Variants in CFAP221 observed in about 807,000 individuals in gnomAD.
CFAP221 encodes the protein cilia- and flagella-associated protein 221.
Under a neutral mutation model 113.1 loss-of-function variants are expected in CFAP221, and 97 were observed. The observed-to-expected ratio is 0.86, with a 90% CI of 0.73 to 1.02. The LOEUF (loss-of-function observed/expected upper bound fraction) is 1.02, where lower values mean the gene tolerates loss of function less well. CFAP221 is among the 50% of genes least tolerant of loss of function. The pLI is 0.00. For missense variants in CFAP221, 1,025 were observed against 1,013.4 expected (o/e 1.01, Z -0.16); for synonymous variants, 331 against 354.4 (o/e 0.93, Z 0.74).
At chr2:119,561,356 CAGA>C (rs911503719) in intron 5 of CFAP221, among the ~76,000 whole-genome samples, 12 of 152,200 alleles carry the variant, frequency 7.9e-5, no homozygotes, top group Middle Eastern at 3.4e-3. Context: ...CTGTGCTGAA[CAGA>C]AGAAGAATGC....
intron 11 of CFAP221, among the ~76,000 whole-genome samples, chr2:119,606,401 C>T (rs1013796498): frequency 3.3e-5 from 5 of 152,092 alleles, no homozygotes; most frequent in African/African-American, 9.7e-5. Flanking sequence ...GAGAACACGC[C>T]CTCACCTGAA....
rs539548804 is a variant in CFAP221, at chr2:119,583,946, A to G, written c.528-3173A>G. The stretch of plus-strand genomic sequence containing the variant: ...TTCCCAGCCTCCAGAACTGTGAGGA[A>G]TAAATTTCTGTTGTTCATAAGCCAC... On this transcript the variant is annotated intron_variant, in intron 6 of 23. Transcript: ENST00000413369. Among the ~76,000 whole-genome samples, 6 of 152,334 alleles carry G rather than the reference A, an allele frequency of 3.9e-5. No homozygotes were observed. In the South Asian group the frequency reaches 1.2e-3, roughly 32 times the overall value.
At chr2:119,593,194 A>G (rs1393194361) in intron 7 of CFAP221, among the ~76,000 whole-genome samples, 1 of 151,846 alleles carries the variant, frequency 6.6e-6, no homozygotes, top group Non-Finnish European at 1.5e-5. Context: ...CCACATCCTT[A>G]CCTGTGTTTT....
chr2:119,611,788 T>A, intron 13 of CFAP221, 46 bp downstream of exon 13: 1 of 1,392,924 alleles, frequency 7.2e-7, no homozygotes, highest in Non-Finnish European at 1.0e-6. Context: ...GGCAGCTCTT[T>A]AAATGCTTAT....
chr2:119,572,552 G>A (rs867101287), intron 6 of CFAP221: 21 of 700,826 alleles, frequency 3.0e-5, no homozygotes, highest in African/African-American at 1.2e-4. Flanking sequence ...ACCCAACAGC[G>A]TCTTCCTGGT....
At chr2:119,620,736 A>G (rs1685850592) in intron 14 of CFAP221, among the ~76,000 whole-genome samples, 1 of 152,202 alleles carries the variant, frequency 6.6e-6, no homozygotes, top group Non-Finnish European at 1.5e-5. Context: ...CAATTCACAC[A>G]TAACAATATT....
chr2:119,583,622 A>C (rs1003657183), intron 6 of CFAP221, among the ~76,000 whole-genome samples: 1 of 152,160 alleles, frequency 6.6e-6, no homozygotes, highest in Non-Finnish European at 1.5e-5. Context: ...CATTCCATTC[A>C]CTATGATACA....
chr2:119,553,541 A>G (rs764494265), intron 3 of CFAP221, among the ~76,000 whole-genome samples: 3 of 152,218 alleles, frequency 2.0e-5, no homozygotes, highest in African/African-American at 4.8e-5. Context: ...TTTCATTAGC[A>G]TCCCTTAGGG....
chr2:119,622,565 A>T (rs1686006615), intron 14 of CFAP221, among the ~76,000 whole-genome samples: 1 of 152,208 alleles, frequency 6.6e-6, no homozygotes, highest in Non-Finnish European at 1.5e-5. Context: ...GACACAACAA[A>T]AAAAGAAAAT....
At chr2:119,615,543 T>G in intron 13 of CFAP221, 68 bp from the exon 14 acceptor site, 1 of 1,137,784 alleles carries the variant, frequency 8.8e-7, no homozygotes, top group Non-Finnish European at 1.3e-6. Flanking sequence ...TCTAAAATGT[T>G]TTTATTAGAT....
Position 119,639,885 on chromosome 2 carries a change from C to A in CFAP221, c.2225+13C>A, listed in dbSNP as rs576801848. The A allele has an allele frequency of 1.9e-5, 30 of 1,607,018 alleles. No homozygotes were observed. The South Asian group carries it at 2.9e-4, about 15-fold the overall frequency. ...AGACCACAAAGAGGTAAGCACAGCT[C>A]ATCTGTTTGCTCACGAGTATGTGTG... On this transcript the variant is annotated intron_variant, in intron 21 of 23. Transcript: ENST00000413369.
chr2:119,604,080 A>C lies in CFAP221; in HGVS notation c.792-592A>C, dbSNP rs138172645. Among the ~76,000 whole-genome samples, 390 of 152,342 alleles carry C rather than the reference A, an allele frequency of 2.6e-3. 2 individuals are homozygous for C. Among genetic ancestry groups the C allele is most frequent in the African/African-American group, 9.0e-3 (374 of 41,566 alleles). ...TTAAATGTAATAAATCTAGCTATTG[A>C]AAACCAACAGGCTAGAAATTGATTA... On this transcript the variant is annotated intron_variant, in intron 8 of 23. Coordinates refer to ENST00000413369, the MANE Select transcript of CFAP221 (RefSeq NM_001271049.2).
chr2:119,550,279 T>A (rs1680328445), intron 3 of CFAP221, among the ~76,000 whole-genome samples: 1 of 152,208 alleles, frequency 6.6e-6, no homozygotes, highest in Non-Finnish European at 1.5e-5. Context: ...GTTCGATTGT[T>A]TAGAGTGAGG....
At chr2:119,597,200 C>G (rs900610665) in intron 7 of CFAP221, among the ~76,000 whole-genome samples, 1 of 152,126 alleles carries the variant, frequency 6.6e-6, no homozygotes, top group African/African-American at 2.4e-5. Flanking sequence ...TCCTTTAAGC[C>G]TTGTCTCATT....
intron 7 of CFAP221, among the ~76,000 whole-genome samples, chr2:119,591,392 TTGGTAGCAA>T (rs58642757): frequency 0.18 from 27,018 of 152,112 alleles, 3,100 homozygotes; most frequent in East Asian, 0.41. Flanking sequence ...TTCTGTCACA[TTGGTAGCAA>T]TGGTCAGTTT....
At chr2:119,572,695 C>T (rs1682155094) in intron 6 of CFAP221, 2 of 603,658 alleles carry the variant, frequency 3.3e-6, no homozygotes, top group Admixed American at 2.4e-5. Context: ...GCCTGAAACT[C>T]ACCTGGGGAA....
intron 9 of CFAP221, 25 bp downstream of exon 9, chr2:119,604,817 C>A: frequency 6.3e-7 from 1 of 1,594,546 alleles, no homozygotes; most frequent in Non-Finnish European, 8.6e-7. Flanking sequence ...GTCCTTGGTG[C>A]GATGAAAGGG....
At chr2:119,605,081 T>C (rs1446578137) in intron 10 of CFAP221, 94 bp downstream of exon 10, 6 of 1,464,414 alleles carry the variant, frequency 4.1e-6, no homozygotes, top group African/African-American at 1.4e-5. Flanking sequence ...CAAAATTCAG[T>C]TAGATTGCTG....
intron 6 of CFAP221, among the ~76,000 whole-genome samples, chr2:119,584,938 G>A (rs1035622564): frequency 6.6e-6 from 1 of 152,184 alleles, no homozygotes; most frequent in Non-Finnish European, 1.5e-5. Context: ...CCCATTTGGG[G>A]TTATTCCTAA....
Sources: gnomAD v4.1 joint callset for allele counts (sites outside exome capture counted in the v4.1 genomes callset) on GRCh38, gnomAD v4.1.1 for gene constraint, MANE v1.5 for transcripts, NCBI Gene and HGNC (gene_info 2026-07-23, HGNC 2026-07-21) for gene names.